ATP2A3: variants seen among roughly 807,000 people sequenced by gnomAD.
The protein encoded by ATP2A3 is ATPase sarcoplasmic/endoplasmic reticulum Ca2+ transporting 3.
A neutral mutation model predicts 106.8 loss-of-function variants in ATP2A3; 61 were observed. That is an observed-to-expected ratio of 0.57 (90% CI 0.46 to 0.71). The LOEUF is 0.71. ATP2A3 is among the 30% of genes least tolerant of loss of function. The pLI is 0.00. For synonymous variants in ATP2A3, 611 were observed against 609.3 expected (o/e 1.00, Z -0.04); for missense variants, 1,201 against 1,423.5 (o/e 0.84, Z 2.52).
At position 3,937,582 on chromosome 17, in the gene ATP2A3, C is replaced by T. The variant is rs2053523589; in HGVS notation, c.2155G>A (p.Ala719Thr). 4 of 1,613,982 alleles carry T rather than the reference C, an allele frequency of 2.5e-6. No homozygotes were observed. Among genetic ancestry groups the T allele is most frequent in the Admixed American group, 1.7e-5 (1 of 59,992 alleles). Residue 719 changes from alanine to threonine, a missense_variant, in exon 15 of 21, where the codon GCC becomes ACC. Ala to Thr is a moderately conservative substitution (Grantham distance 58). Around this residue, in one of 2 missense-constraint regions of ATP2A3, gnomAD observed 935 missense variants for 1,176.7 expected, o/e 0.79. Coordinates refer to ENST00000397041, the MANE Select transcript of ATP2A3 (RefSeq NM_005173.4). Reference sequence around the variant, plus strand: ...GCCACGGCCGTGCCTGAGCCCATGGCGATGCCGATCTCTGCTTTCTTCAGG... The same window carrying T: ...GCCACGGCCGTGCCTGAGCCCATGGTGATGCCGATCTCTGCTTTCTTCAGG... ...PALKKAEIGI[A>T]MGSGTAVAKS... is the part of the protein sequence containing the mutation.
At position 3,925,721 on chromosome 17, in the gene ATP2A3, T is replaced by C. The variant is rs1481241154; in HGVS notation, c.2981-280A>G. Among the ~76,000 whole-genome samples the C allele has an allele frequency of 6.6e-6, 1 of 151,556 alleles. No homozygotes were observed. The highest frequency in any genetic ancestry group is 2.4e-5 in the African/African-American group (1 of 41,198). On this transcript the variant is annotated intron_variant, in intron 20 of 20. Coordinates refer to ENST00000397041, the MANE Select transcript of ATP2A3 (RefSeq NM_005173.4). The surrounding 1 kb of genome is among the most constrained non-coding windows in gnomAD (Gnocchi z 4.2). ...CTCTCCTGGTTTTCATTTTGGGGAA[T>C]CACCACCCATTATCGTAAGGTTCAG...
At chr17:3,938,190 T>C (rs913083025) in intron 14 of ATP2A3, among the ~76,000 whole-genome samples, 13 of 152,080 alleles carry the variant, frequency 8.5e-5, no homozygotes, top group African/African-American at 2.9e-4. Context: ...TCCCAGCACT[T>C]TGGGAGGCCG....
rs118149209 is a variant in ATP2A3, at chr17:3,963,238, G to T, written c.118+936C>A. Among the ~76,000 whole-genome samples, 722 of 152,350 alleles carry T rather than the reference G, an allele frequency of 4.7e-3. 4 individuals carry two copies. Among genetic ancestry groups the T allele is most frequent in the Admixed American group, 9.3e-3 (143 of 15,308 alleles). On this transcript the variant is annotated intron_variant, in intron 1 of 20. Transcript: ENST00000397041. The stretch of plus-strand genomic sequence containing the variant: ...AGGGCAAGGCTCCAAGTCCCCAAAG[G>T]ATGCAGACCCAGGCTGCCCTCTGTA...
intron 10 of ATP2A3, 63 bp downstream of exon 10, chr17:3,944,641 G>A: frequency 1.9e-6 from 3 of 1,547,392 alleles, no homozygotes; most frequent in Non-Finnish European, 2.6e-6. Context: ...CTTTGAGGCT[G>A]GGAAAAGGGT....
intron 17 of ATP2A3, among the ~76,000 whole-genome samples, chr17:3,931,817 G>A (rs993790794): frequency 1.3e-5 from 2 of 152,184 alleles, no homozygotes; most frequent in East Asian, 1.9e-4. Context: ...CACCGCGCCC[G>A]GCCATGGAGA....
At position 3,930,561 on chromosome 17, in the gene ATP2A3, G is replaced by A. The variant is rs1023258851; in HGVS notation, c.2611-127C>T. 11 of 1,390,140 alleles carry A rather than the reference G, an allele frequency of 7.9e-6. No homozygotes were observed. The highest frequency in any genetic ancestry group is 7.8e-5 in the Admixed American group (4 of 51,314). The allele number at this position is 1,390,140 out of a possible 1,614,324, so 86.1% of individuals were successfully genotyped here. Reference sequence around the variant, plus strand: ...CAACCAGCACACAAAACACTGCCGTGGGGTGGGCTGGGGATCCCGGGAGGG... The same window carrying A: ...CAACCAGCACACAAAACACTGCCGTAGGGTGGGCTGGGGATCCCGGGAGGG... On this transcript the variant is annotated intron_variant, in intron 17 of 20. Transcript: ENST00000397041. The surrounding 1 kb of genome is among the most constrained non-coding windows in gnomAD (Gnocchi z 5.4).
chr17:3,940,738 C>G (rs2053714777), intron 14 of ATP2A3, among the ~76,000 whole-genome samples: 2 of 152,094 alleles, frequency 1.3e-5, no homozygotes, highest in South Asian at 4.1e-4. Flanking sequence ...GAACTCCTGA[C>G]CTCAACTGAT....
chr17:3,936,649 C>T lies in ATP2A3; in HGVS notation c.2322-180G>A. 3 of 680,570 alleles carry T rather than the reference C, an allele frequency of 4.4e-6. No individual in the cohort carries two copies. The highest frequency in any genetic ancestry group is 7.8e-6 in the Non-Finnish European group (3 of 385,408). 42.2% of individuals were successfully genotyped at this position (680,570 alleles called of 1,614,324 possible). A position where few individuals can be genotyped will look rare whatever the true frequency, so the allele number is the denominator to read the frequency against. ...GTACACAGCTCTGCCTCGGGCCTGG[C>T]CAGTCCTGCCTTCCCCAGTCCCAGC... is the stretch of plus-strand genomic sequence containing the variant. On this transcript the variant is annotated intron_variant, in intron 15 of 20. Transcript: ENST00000397041. This position sits in a 1 kb window ranked among gnomAD's most constrained non-coding sequence, Gnocchi z 5.4.
intron 11 of ATP2A3, 28 bp downstream of exon 11, chr17:3,943,363 G>A (rs766124357): frequency 2.0e-5 from 33 of 1,612,116 alleles, no homozygotes; most frequent in Admixed American, 3.3e-5. Context: ...CCATGCAGCC[G>A]GAGGCCTGAG....
Position 3,953,316 on chromosome 17 carries a change from ACC to A in ATP2A3, c.219+29_219+30del. ...GGCTCTCCCTCCAGGGCTACCGACTACCACAGGATGGCTGGCAGGGCCCTACT... is the reference window on the plus strand; with the variant it reads ...GGCTCTCCCTCCAGGGCTACCGACTAACAGGATGGCTGGCAGGGCCCTACT... On this transcript the variant is annotated intron_variant, in intron 3 of 20. Transcript: ENST00000397041. This position sits in a 1 kb window ranked among gnomAD's most constrained non-coding sequence, Gnocchi z 5.1. 3 of 1,610,210 alleles carry A rather than the reference ACC, an allele frequency of 1.9e-6. No homozygotes were observed. The highest frequency in any genetic ancestry group is 2.5e-6 in the Non-Finnish European group (3 of 1,176,760).
At position 3,927,426 on chromosome 17, in the gene ATP2A3, G is replaced by C. The variant is rs1232883282; in HGVS notation, c.2980+1237C>G. On this transcript the variant is annotated intron_variant, in intron 20 of 20. Coordinates refer to ENST00000397041, the MANE Select transcript of ATP2A3 (RefSeq NM_005173.4). ...TGAGCTGTCATGTCCCCAGAGGCCTGGCTCTGCAGGTGAGTGAGTGTGGTC... is the reference window on the plus strand; with the variant it reads ...TGAGCTGTCATGTCCCCAGAGGCCTCGCTCTGCAGGTGAGTGAGTGTGGTC... 5.1e-6 allele frequency: 5 copies of C among 985,284 alleles called. No individual in the cohort carries two copies. The African/African-American group carries it at 8.7e-5, about 17-fold the overall frequency. The allele number at this position is 985,284 out of a possible 1,614,324, so 61.0% of individuals were successfully genotyped here. A position where few individuals can be genotyped will look rare whatever the true frequency, so the allele number is the denominator to read the frequency against.
rs1265210760 is a variant in ATP2A3, at chr17:3,926,619, G to C, written c.2981-1178C>G. On this transcript the variant is annotated intron_variant, in intron 20 of 20. Coordinates refer to ENST00000397041, the MANE Select transcript of ATP2A3 (RefSeq NM_005173.4). The surrounding 1 kb of genome is among the most constrained non-coding windows in gnomAD (Gnocchi z 4.6). ...GAGTTTTGCTCTGTCACCCAGGCTG[G>C]AGTGCAGTAGCTCAATCTCAGCTCA... Among the ~76,000 whole-genome samples the C allele has an allele frequency of 6.6e-6, 1 of 152,168 alleles. No homozygotes were observed. The highest frequency in any genetic ancestry group is 1.5e-5 in the Non-Finnish European group (1 of 68,028).
intron 8 of ATP2A3, among the ~76,000 whole-genome samples, chr17:3,946,687 C>T (rs1482591094): frequency 1.3e-5 from 2 of 152,182 alleles, no homozygotes; most frequent in African/African-American, 4.8e-5. Context: ...CCCAGAAGGC[C>T]TTAGGGTCTC....
intron 3 of ATP2A3, 50 bp from the exon 4 acceptor site, chr17:3,951,735 G>A: frequency 6.5e-7 from 1 of 1,534,276 alleles, no homozygotes; most frequent in South Asian, 1.2e-5. Flanking sequence ...GCCGAGATCT[G>A]CTCTCCTTTT....
chr17:3,925,738 A>C lies in ATP2A3; in HGVS notation c.2981-297T>G, dbSNP rs2052674589. ...TTGGGGAATCACCACCCATTATCGT[A>C]AGGTTCAGACACCAGGCTCATCCTT... is the stretch of plus-strand genomic sequence containing the variant. On this transcript the variant is annotated intron_variant, in intron 20 of 20. Transcript: ENST00000397041. This position sits in a 1 kb window ranked among gnomAD's most constrained non-coding sequence, Gnocchi z 4.2. 6.6e-6 allele frequency among the ~76,000 whole-genome samples: 1 copy of C among 151,826 alleles called. No homozygotes were observed. Among genetic ancestry groups the C allele is most frequent in the Admixed American group, 6.6e-5 (1 of 15,258 alleles).
chr17:3,958,243 T>C (rs2054893701), intron 1 of ATP2A3, among the ~76,000 whole-genome samples: 1 of 152,248 alleles, frequency 6.6e-6, no homozygotes, highest in South Asian at 2.1e-4. Context: ...TTGAACGGCA[T>C]GCATAAAGCA....
rs1276741601 is a variant in ATP2A3, at chr17:3,926,783, T to C, written c.2981-1342A>G. ...TGGGGTTTCACCATGTTGGCCAGGC[T>C]GGTCTCTAACTCCTGACTCAGGTGA... On this transcript the variant is annotated intron_variant, in intron 20 of 20. Coordinates refer to ENST00000397041, the MANE Select transcript of ATP2A3 (RefSeq NM_005173.4). This position sits in a 1 kb window ranked among gnomAD's most constrained non-coding sequence, Gnocchi z 4.6. 8.2e-6 allele frequency: 7 copies of C among 854,450 alleles called. No homozygotes were observed. The highest frequency in any genetic ancestry group is 1.8e-5 in the African/African-American group (1 of 54,364). 52.9% of individuals were successfully genotyped at this position (854,450 alleles called of 1,614,324 possible). A position where few individuals can be genotyped will look rare whatever the true frequency, so the allele number is the denominator to read the frequency against.
chr17:3,937,475 G>A lies in ATP2A3; in HGVS notation c.2262C>T (p.Tyr754=). ...AGCGGATGAATTGCTTCATGTTGCTGTAGATGGCCCGGCCCTCCTCCACCG... is the reference window on the plus strand; with the variant it reads ...AGCGGATGAATTGCTTCATGTTGCTATAGATGGCCCGGCCCTCCTCCACCG... ...VAAVEEGRAI[Y]SNMKQFIRYL... Residue 754 remains tyrosine (Y), a synonymous_variant, in exon 15 of 21, where the codon TAC becomes TAT. Transcript: ENST00000397041. The A allele has an allele frequency of 6.2e-7, 1 of 1,612,918 alleles. No individual in the cohort carries two copies. The highest frequency in any genetic ancestry group is 8.5e-7 in the Non-Finnish European group (1 of 1,179,164).
intron 1 of ATP2A3, among the ~76,000 whole-genome samples, chr17:3,963,562 T>C (rs2055257139): frequency 6.6e-6 from 1 of 152,210 alleles, no homozygotes; most frequent in Non-Finnish European, 1.5e-5. Context: ...CCTGAGGCCT[T>C]GACTCCGCCA....
Sources: allele counts gnomAD v4.1 joint callset (sites outside exome capture counted in the v4.1 genomes callset), GRCh38; gene constraint gnomAD v4.1.1; regional missense constraint gnomAD v4.1.1; non-coding constraint Gnocchi (gnomAD v3.1); transcripts MANE v1.5; gene names NCBI Gene and HGNC (gene_info 2026-07-23, HGNC 2026-07-21).